PDE4D: variants seen among roughly 807,000 people sequenced by gnomAD.
PDE4D encodes the protein 3',5'-cyclic-AMP phosphodiesterase 4D.
A neutral mutation model predicts 87.4 loss-of-function variants in PDE4D; 24 were observed. That is an observed-to-expected ratio of 0.27 (90% CI 0.20 to 0.39). PDE4D has a LOEUF of 0.39. Ranked by LOEUF, PDE4D falls within the 10% of genes least tolerant of loss-of-function variation. The pLI is 1.00. For synonymous variants in PDE4D, 384 were observed against 383.2 expected, an observed-to-expected ratio of 1.00 and a Z score of -0.02; for missense variants, 714 against 1,041.0, an observed-to-expected ratio of 0.69 and a Z score of 4.32.
At chr5:60,003,367 G>T (rs75515822) in intron 2 of PDE4D, among the ~76,000 whole-genome samples, 24,011 of 151,908 alleles carry the variant, frequency 0.16, 2,558 homozygotes, top group African/African-American at 0.3. Flanking sequence ...GAAAACCATT[G>T]TAAAATTCAT....
intron 1 of PDE4D, among the ~76,000 whole-genome samples, chr5:60,400,077 G>C (rs1218920524): frequency 6.6e-6 from 1 of 152,070 alleles, no homozygotes; most frequent in Non-Finnish European, 1.5e-5. Context: ...TCCTACCTTT[G>C]GATCTGGAAA....
intron 5 of PDE4D, among the ~76,000 whole-genome samples, chr5:59,103,039 C>G (rs893793872): frequency 1.3e-5 from 2 of 152,154 alleles, no homozygotes; most frequent in African/African-American, 2.4e-5. Context: ...GTTTGTTTCT[C>G]AAGGGGCTGA....
At chr5:60,207,602 AT>A (rs1375114584) in intron 1 of PDE4D, among the ~76,000 whole-genome samples, 1 of 152,244 alleles carries the variant, frequency 6.6e-6, no homozygotes, top group African/African-American at 2.4e-5. Flanking sequence ...GGAATAATGT[AT>A]TTTTACACTG....
chr5:60,391,263 G>A (rs569403061), intron 1 of PDE4D, among the ~76,000 whole-genome samples: 1 of 152,126 alleles, frequency 6.6e-6, no homozygotes, highest in Non-Finnish European at 1.5e-5. Flanking sequence ...ATCACAGGGG[G>A]CTCCCAGTCA....
At position 60,110,314 on chromosome 5, in the gene PDE4D, C is replaced by A. The variant is rs547726349; in HGVS notation, c.42+75243G>T. 9.9e-5 allele frequency among the ~76,000 whole-genome samples: 15 copies of A among 151,976 alleles called. No individual in the cohort carries two copies. In the South Asian group the frequency reaches 2.9e-3, roughly 29 times the overall value. On this transcript the variant is annotated intron_variant, in intron 2 of 16. Transcript: ENST00000502484. ...ATCCAGAATATACAAGGAACTCAAA[C>A]AATTCAACAGAAAAAAACAAATAAG...
At chr5:59,512,013 C>T (rs1380869620) in intron 1 of PDE4D, among the ~76,000 whole-genome samples, 3 of 152,064 alleles carry the variant, frequency 2.0e-5, no homozygotes, top group Admixed American at 2.0e-4. Flanking sequence ...AGAACATAAA[C>T]AAAACATAAC....
chr5:59,476,154 C>G (rs553313389), intron 1 of PDE4D, among the ~76,000 whole-genome samples: 2 of 151,980 alleles, frequency 1.3e-5, no homozygotes, highest in African/African-American at 4.8e-5. Flanking sequence ...AGTTCTGTTT[C>G]TGGATACAGT....
intron 1 of PDE4D, among the ~76,000 whole-genome samples, chr5:59,464,533 G>A (rs1290878001): frequency 6.6e-6 from 1 of 151,942 alleles, no homozygotes; most frequent in Non-Finnish European, 1.5e-5. Context: ...CTATTGCCTT[G>A]TGACCCTGAC....
chr5:59,150,707 C>T (rs914424456), intron 5 of PDE4D, among the ~76,000 whole-genome samples: 16 of 152,042 alleles, frequency 1.1e-4, no homozygotes, highest in Non-Finnish European at 2.9e-5. Flanking sequence ...TACCAGCAGC[C>T]AATAATCTAT....
intron 6 of PDE4D, among the ~76,000 whole-genome samples, chr5:58,996,010 C>A (rs953080663): frequency 6.6e-6 from 1 of 152,084 alleles, no homozygotes; most frequent in African/African-American, 2.4e-5. Flanking sequence ...AAGCTGGAAA[C>A]CATCATTCTC....
intron 1 of PDE4D, among the ~76,000 whole-genome samples, chr5:59,332,956 A>G (rs1777004272): frequency 1.3e-5 from 2 of 152,218 alleles, no homozygotes; most frequent in African/African-American, 4.8e-5. Context: ...AATGGTGATA[A>G]CATCATGCAA....
chr5:59,863,761 T>A (rs1746621340), intron 1 of PDE4D, among the ~76,000 whole-genome samples: 1 of 152,188 alleles, frequency 6.6e-6, no homozygotes, highest in African/African-American at 2.4e-5. Flanking sequence ...GTACCAGATA[T>A]TTTTAGTTTA....
At chr5:59,581,274 T>A (rs1307525699) in intron 1 of PDE4D, among the ~76,000 whole-genome samples, 2 of 152,126 alleles carry the variant, frequency 1.3e-5, no homozygotes, top group East Asian at 1.9e-4. Flanking sequence ...GGTTGTTTAG[T>A]TTTTTTGGGT....
At chr5:59,762,630 A>G (rs1762242890) in intron 1 of PDE4D, among the ~76,000 whole-genome samples, 1 of 135,568 alleles carries the variant, frequency 7.4e-6, no homozygotes, top group African/African-American at 2.7e-5. Context: ...GTATATGTGT[A>G]TATGGGTACA....
intron 1 of PDE4D, among the ~76,000 whole-genome samples, chr5:59,832,175 G>A (rs907305040): frequency 2.6e-5 from 4 of 152,152 alleles, no homozygotes; most frequent in East Asian, 1.9e-4. Flanking sequence ...CCTGAGGTCC[G>A]CTCTGGCCAT....
chr5:59,040,506 C>A (rs1451551705), intron 5 of PDE4D, among the ~76,000 whole-genome samples: 2 of 152,002 alleles, frequency 1.3e-5, no homozygotes, highest in Non-Finnish European at 2.9e-5. Flanking sequence ...CCACCATGTG[C>A]AGAGTACACT....
At chr5:59,265,163 G>A (rs1762653915) in intron 1 of PDE4D, among the ~76,000 whole-genome samples, 1 of 152,006 alleles carries the variant, frequency 6.6e-6, no homozygotes, top group Admixed American at 6.6e-5. Flanking sequence ...GATACATGGA[G>A]AAAGTCTTTA....
At chr5:59,151,810 A>G (rs1397268600) in intron 5 of PDE4D, among the ~76,000 whole-genome samples, 1 of 152,144 alleles carries the variant, frequency 6.6e-6, no homozygotes, top group African/African-American at 2.4e-5. Context: ...GAAGAATGAT[A>G]TAATTTTAGG....
At chr5:59,491,492 C>T (rs1806175228) in intron 1 of PDE4D, among the ~76,000 whole-genome samples, 3 of 152,140 alleles carry the variant, frequency 2.0e-5, no homozygotes, top group Admixed American at 1.3e-4. Flanking sequence ...GTAGCTACAT[C>T]ACAGGAAAAC....
Sources: allele counts gnomAD v4.1 joint callset (sites outside exome capture counted in the v4.1 genomes callset), GRCh38; gene constraint gnomAD v4.1.1; transcripts MANE v1.5; gene names NCBI Gene and HGNC (gene_info 2026-07-23, HGNC 2026-07-21).